The following DCAF17 variants were observed in gnomAD, a reference collection of about 807,000 sequenced individuals.
DCAF17 encodes the protein DDB1- and CUL4-associated factor 17.
DCAF17 carries 48 observed loss-of-function variants against 66.0 expected under a neutral mutation model. The observed-to-expected ratio is 0.73, with a 90% CI of 0.58 to 0.92. The LOEUF is 0.92. Ranked by LOEUF, DCAF17 falls within the 40% of genes least tolerant of loss-of-function variation. DCAF17 has a pLI of 0.00. For synonymous variants in DCAF17, 206 were observed against 214.6 expected (o/e 0.96, Z 0.35); for missense variants, 562 against 622.8 (o/e 0.90, Z 1.04).
chr2:171,470,220 G>A (rs931518058), intron 9 of DCAF17, among the ~76,000 whole-genome samples: 3 of 151,622 alleles, frequency 2.0e-5, no homozygotes, highest in Admixed American at 1.3e-4. Flanking sequence ...ATGGGGCCTC[G>A]CTGTGTTTCC....
chr2:171,448,878 T>C (rs1385608185), intron 4 of DCAF17, 61 bp downstream of exon 4: 11 of 1,493,652 alleles, frequency 7.4e-6, no homozygotes, highest in Non-Finnish European at 1.9e-6. Context: ...CTGTGGCCCA[T>C]GAAATTTCAA....
In DCAF17 at chr2:171,480,123, A is replaced by G; in HGVS notation, c.1352A>G (p.His451Arg). 6.2e-7 allele frequency: 1 copy of G among 1,613,894 alleles called. No individual in the cohort carries two copies. Among genetic ancestry groups the G allele is most frequent in the South Asian group, 1.1e-5 (1 of 91,080 alleles). Residue 451 changes from histidine to arginine, a missense_variant, in exon 13 of 14, where the codon CAC becomes CGC. This residue lies in a region of DCAF17 where 201 missense variants were observed against 231.1 expected (regional missense o/e 0.87). Transcript: ENST00000375255. ...CAAATAGATGCTGAAGGAAAAGCTC[A>G]CCTGGATTTCCACTGTAATGAATAT... ...VTQIDAEGKAHLDFHCNEYGT... is the reference protein window; with the variant it reads ...VTQIDAEGKARLDFHCNEYGT...
chr2:171,468,830 A>G, intron 8 of DCAF17, 58 bp from the exon 9 acceptor site: 1 of 1,610,112 alleles, frequency 6.2e-7, no homozygotes, highest in Non-Finnish European at 8.5e-7. Flanking sequence ...TCAGTTAATG[A>G]ATAGTCCAGA....
rs766487991 is a variant in DCAF17 at position 171,480,946 on chromosome 2, G to T, written c.1423-28G>T. 3.1e-6 allele frequency: 5 copies of T among 1,613,190 alleles called. No homozygotes were observed. The Admixed American group carries it at 6.7e-5, about 22-fold the overall frequency. On this transcript the variant is annotated intron_variant, in intron 13 of 13. Transcript: ENST00000375255. Reference sequence around the variant, plus strand: ...GTAGTGAATATGGCTGTGTGAAAAGGACTCCATATGATTGTGTTTTGTTAC... The same window carrying T: ...GTAGTGAATATGGCTGTGTGAAAAGTACTCCATATGATTGTGTTTTGTTAC...
At chr2:171,471,973 C>T (rs181004285) in intron 9 of DCAF17, among the ~76,000 whole-genome samples, 3 of 152,130 alleles carry the variant, frequency 2.0e-5, no homozygotes, top group Non-Finnish European at 4.4e-5. Flanking sequence ...CGAGATCACA[C>T]CACTGCACTC....
rs1490590921 is a variant in DCAF17 at position 171,485,017 on chromosome 2, G to A, written c.*3903G>A. 6 of 453,568 alleles carry A rather than the reference G, an allele frequency of 1.3e-5. No individual in the cohort carries two copies. Among genetic ancestry groups the A allele is most frequent in the Non-Finnish European group, 2.2e-5 (5 of 226,696 alleles). The allele number at this position is 453,568 out of a possible 1,614,324, so 28.1% of individuals were successfully genotyped here. On this transcript the variant is annotated 3_prime_UTR_variant, in exon 14 of 14. Coordinates refer to ENST00000375255, the MANE Select transcript of DCAF17 (RefSeq NM_025000.4). ...GGGCTCTTTCTGCTTGTTTTTTACT[G>A]TTATGAATAAAGCTGCTATGAACAT...
intron 10 of DCAF17, among the ~76,000 whole-genome samples, chr2:171,474,876 A>G (rs1696425067): frequency 6.6e-6 from 1 of 152,202 alleles, no homozygotes; most frequent in South Asian, 2.1e-4. Context: ...CACTGTCATC[A>G]CTAGCCAAGG....
Position 171,453,177 on chromosome 2 carries a change from T to A in DCAF17, c.591T>A (p.Pro197=), listed in dbSNP as rs753906990. The change falls in exon 6 of 14, where the codon CCT becomes CCA. Residue 197 remains proline (P), a synonymous_variant. Coordinates refer to ENST00000375255, the MANE Select transcript of DCAF17 (RefSeq NM_025000.4). ...LLYLAVFRVL[P]FSLVGILEIN... ...ACCTTGCAGTGTTCCGAGTTCTACC[T>A]TTTTCACTTGTAGGGATTCTAGAGA... 63 of 1,611,638 alleles carry A rather than the reference T, an allele frequency of 3.9e-5. No individual in the cohort carries two copies. Among genetic ancestry groups the A allele is most frequent in the Non-Finnish European group, 5.2e-5 (61 of 1,178,644 alleles).
intron 3 of DCAF17, among the ~76,000 whole-genome samples, chr2:171,443,869 G>A (rs1172666892): frequency 1.3e-5 from 2 of 151,786 alleles, no homozygotes; most frequent in Non-Finnish European, 1.5e-5. Context: ...GTTATAAATC[G>A]ATTAAAAGTT....
intron 10 of DCAF17, among the ~76,000 whole-genome samples, chr2:171,475,061 GT>G (rs1372635268): frequency 1.3e-5 from 2 of 152,174 alleles, no homozygotes; most frequent in Admixed American, 1.3e-4. Context: ...AACCAATATA[GT>G]TAGCATGGTC....
intron 2 of DCAF17, among the ~76,000 whole-genome samples, chr2:171,435,919 CCA>C (rs1559249509): frequency 6.6e-6 from 1 of 152,118 alleles, no homozygotes; most frequent in Non-Finnish European, 1.5e-5. Flanking sequence ...GTAATCACTA[CCA>C]CAGTTAATTT....
At position 171,469,048 on chromosome 2, in the gene DCAF17, CTT is replaced by C. The variant is rs765172251; in HGVS notation, c.981+22_981+23del. On this transcript the variant is annotated intron_variant, in intron 9 of 13. Transcript: ENST00000375255. The stretch of plus-strand genomic sequence containing the variant: ...ATTCCCTGGTAAATGAGTGATCAGA[CTT>C]TTTATTAGCAAATTTGTATCAAGTT... The C allele has an allele frequency of 1.9e-5, 31 of 1,613,594 alleles. No homozygotes were observed. The highest frequency in any genetic ancestry group is 2.6e-5 in the Non-Finnish European group (31 of 1,179,688).
intron 9 of DCAF17, among the ~76,000 whole-genome samples, chr2:171,471,102 CCTT>C (rs1411957617): frequency 6.6e-6 from 1 of 152,288 alleles, no homozygotes; most frequent in South Asian, 2.1e-4. Flanking sequence ...CACATACTCT[CCTT>C]CTATAATAAC....
rs768558594 is a variant in DCAF17, at chr2:171,443,598, A to G, written c.306A>G (p.Leu102=). The change falls in exon 3 of 14, where the codon TTA becomes TTG. Residue 102 remains leucine (L), a synonymous_variant. Coordinates refer to ENST00000375255, the MANE Select transcript of DCAF17 (RefSeq NM_025000.4). ...CAGAAAAAATAGAGGATGCTTTATT[A>G]TGGGAATGCCCAGTGGTAAGATTTG... The part of the protein sequence containing the change: ...SKSEKIEDAL[L]WECPVGDILP... 6.2e-6 allele frequency: 10 copies of G among 1,612,990 alleles called. No homozygotes were observed. In the East Asian group the frequency reaches 1.8e-4, roughly 29 times the overall value.
In DCAF17 at chr2:171,443,512, T is replaced by G. The variant is rs1362299790; in HGVS notation, c.231-11T>G. The G allele has an allele frequency of 6.2e-7, 1 of 1,606,420 alleles. No homozygotes were observed. On this transcript the variant is annotated splice_polypyrimidine_tract_variant and intron_variant, in intron 2 of 13. Coordinates refer to ENST00000375255, the MANE Select transcript of DCAF17 (RefSeq NM_025000.4). ...CAAGAATAATAATCATTTATTTTTC[T>G]TTTTTCCCAGTGTTGCATCTGAGCC...
intron 2 of DCAF17, among the ~76,000 whole-genome samples, chr2:171,437,851 G>C (rs1204825993): frequency 6.6e-6 from 1 of 151,904 alleles, no homozygotes; most frequent in Non-Finnish European, 1.5e-5. Context: ...ATTGATTTTT[G>C]GTTTTCAATT....
chr2:171,445,742 G>A (rs530440435), intron 3 of DCAF17, among the ~76,000 whole-genome samples: 4 of 152,120 alleles, frequency 2.6e-5, no homozygotes, highest in African/African-American at 9.6e-5. Context: ...GAGTCCAGTG[G>A]CACAATCACA....
intron 8 of DCAF17, among the ~76,000 whole-genome samples, chr2:171,466,577 CT>C (rs1220607365): frequency 2.3e-5 from 3 of 128,116 alleles, no homozygotes; most frequent in Non-Finnish European, 5.0e-5. Flanking sequence ...ATTTTTAGGC[CT>C]TTTTCATTGA....
intron 3 of DCAF17, among the ~76,000 whole-genome samples, chr2:171,445,945 A>G (rs1694596601): frequency 6.6e-6 from 1 of 152,186 alleles, no homozygotes; most frequent in Non-Finnish European, 1.5e-5. Flanking sequence ...GGCCTCCCAA[A>G]GTGCTGGGAT....
Sources: allele counts gnomAD v4.1 joint callset (sites outside exome capture counted in the v4.1 genomes callset), GRCh38; gene constraint gnomAD v4.1.1; regional missense constraint gnomAD v4.1.1; transcripts MANE v1.5; gene names NCBI Gene and HGNC (gene_info 2026-07-23, HGNC 2026-07-21).